CAST: variants seen among roughly 807,000 people sequenced by gnomAD.
CAST encodes the protein calpastatin.
In CAST, 76 loss-of-function variants were observed where a neutral mutation model predicts 119.6. The ratio of observed to expected loss-of-function variants is 0.64; its 90% CI spans 0.53 to 0.77. CAST has a LOEUF of 0.77. CAST is among the 30% of genes least tolerant of loss of function. The pLI, the probability that CAST is intolerant of heterozygous loss-of-function variation, is 0.00. For synonymous variants in CAST, 319 were observed against 331.6 expected, an observed-to-expected ratio of 0.96 and a Z score of 0.41; for missense variants, 953 against 946.5, an observed-to-expected ratio of 1.01 and a Z score of -0.09.
the CAST span, among the ~76,000 whole-genome samples, chr5:96,376,643 G>A: frequency 0.015 from 2,222 of 152,174 alleles, 53 homozygotes; most frequent in African/African-American, 0.05. Flanking sequence ...GTTTCACCAT[G>A]TGGGCCAGGC....
At chr5:96,756,692 C>T (rs1463132448) in intron 22 of CAST, among the ~76,000 whole-genome samples, 1 of 152,186 alleles carries the variant, frequency 6.6e-6, no homozygotes, top group Non-Finnish European at 1.5e-5. Flanking sequence ...GAAACAAAAA[C>T]CAACCTTAAC....
At chr5:96,019,702 T>C in the CAST span, among the ~76,000 whole-genome samples, 1 of 152,238 alleles carries the variant, frequency 6.6e-6, no homozygotes, top group African/African-American at 2.4e-5. Context: ...CATAAATTCA[T>C]GTTCTACTTT....
chr5:96,497,330 T>C, the CAST span, among the ~76,000 whole-genome samples: 1 of 152,274 alleles, frequency 6.6e-6, no homozygotes, highest in South Asian at 2.1e-4. Context: ...TATGGGTGCA[T>C]GTGTCTTTAT....
chr5:96,357,816 CT>C, the CAST span, among the ~76,000 whole-genome samples: 1 of 152,128 alleles, frequency 6.6e-6, no homozygotes, highest in African/African-American at 2.4e-5. Context: ...CTCAGCCAGG[CT>C]TTGGTATCAG....
chr5:96,230,059 G>A, the CAST span, among the ~76,000 whole-genome samples: 2 of 152,152 alleles, frequency 1.3e-5, no homozygotes, highest in African/African-American at 2.4e-5. Flanking sequence ...CTACTATTTG[G>A]AGAAGGATAG....
chr5:96,604,511 C>A lies in CAST; in HGVS notation c.61-71028C>A, dbSNP rs79448474. On this transcript the variant is annotated intron_variant, in intron 1 of 11. Coordinates refer to the CAST transcript ENST00000505143. ...TTACCAGAAATATGTAGAAAGAGGT[C>A]AGTGAGACCAGCATAATGGAACTGG... 2.4e-3 allele frequency among the ~76,000 whole-genome samples: 369 copies of A among 152,190 alleles called. 1 individual carries two copies. The highest frequency in any genetic ancestry group is 7.4e-3 in the African/African-American group (306 of 41,540).
At chr5:96,252,324 C>T in the CAST span, among the ~76,000 whole-genome samples, 4 of 152,226 alleles carry the variant, frequency 2.6e-5, no homozygotes, top group East Asian at 3.9e-4. Context: ...TTCATTCATT[C>T]GCTCATCTTT....
the CAST span, among the ~76,000 whole-genome samples, chr5:96,252,919 T>C: frequency 6.6e-6 from 1 of 152,154 alleles, no homozygotes; most frequent in Non-Finnish European, 1.5e-5. Flanking sequence ...ACAGTTAAGG[T>C]TTAATTCCTA....
intron 1 of CAST, among the ~76,000 whole-genome samples, chr5:96,633,724 G>A (rs1747850486): frequency 6.6e-6 from 1 of 152,178 alleles, no homozygotes; most frequent in Non-Finnish European, 1.5e-5. Flanking sequence ...TCTTCACCCA[G>A]GACAAAGTGT....
the CAST span, among the ~76,000 whole-genome samples, chr5:96,170,164 C>A: frequency 6.6e-6 from 1 of 152,188 alleles, no homozygotes; most frequent in Non-Finnish European, 1.5e-5. Context: ...AGCCGCTAAG[C>A]CGAGTAAATC....
chr5:96,103,875 T>G, the CAST span, among the ~76,000 whole-genome samples: 1 of 151,504 alleles, frequency 6.6e-6, no homozygotes, highest in Middle Eastern at 3.2e-3. Flanking sequence ...GTTTCCTGAC[T>G]TTTTAATGAT....
At chr5:96,284,885 A>G in the CAST span, among the ~76,000 whole-genome samples, 1 of 152,190 alleles carries the variant, frequency 6.6e-6, no homozygotes, top group Non-Finnish European at 1.5e-5. Context: ...GTGAAAATGA[A>G]CTGATTCTGA....
chr5:96,574,899 T>C (rs1746641402), intron 1 of CAST, among the ~76,000 whole-genome samples: 1 of 152,188 alleles, frequency 6.6e-6, no homozygotes, highest in Admixed American at 6.5e-5. Flanking sequence ...CATGTGTCTA[T>C]CTCTCTGCCC....
the CAST span, among the ~76,000 whole-genome samples, chr5:96,032,382 A>C: frequency 1.7e-3 from 266 of 152,298 alleles, no homozygotes; most frequent in African/African-American, 6.1e-3. Flanking sequence ...TGGAAGCCAA[A>C]AAGATCAGTT....
the CAST span, among the ~76,000 whole-genome samples, chr5:96,511,974 C>G: frequency 6.6e-6 from 1 of 152,208 alleles, no homozygotes; most frequent in African/African-American, 2.4e-5. Context: ...GCATTGAAAA[C>G]CATATGAGAC....
the CAST span, among the ~76,000 whole-genome samples, chr5:95,994,104 C>T: frequency 6.6e-6 from 1 of 152,232 alleles, no homozygotes; most frequent in Non-Finnish European, 1.5e-5. Context: ...TGGAAAACAA[C>T]TTGATACTGT....
intron 25 of CAST, among the ~76,000 whole-genome samples, chr5:96,764,745 C>G (rs1473284392): frequency 6.6e-6 from 1 of 152,222 alleles, no homozygotes; most frequent in Non-Finnish European, 1.5e-5. Context: ...CAAAGAAACA[C>G]TTACCCTCTA....
chr5:96,042,947 T>C, the CAST span, among the ~76,000 whole-genome samples: 1 of 152,128 alleles, frequency 6.6e-6, no homozygotes, highest in African/African-American at 2.4e-5. Flanking sequence ...AATATTAGTC[T>C]AGAAAAGACT....
intron 3 of CAST, among the ~76,000 whole-genome samples, chr5:96,701,080 A>G (rs1477681794): frequency 6.6e-6 from 1 of 152,000 alleles, no homozygotes; most frequent in African/African-American, 2.4e-5. Context: ...GGCAAGCACC[A>G]CCGCACACAG....
Sources: gnomAD v4.1 joint callset for allele counts (sites outside exome capture counted in the v4.1 genomes callset) on GRCh38, gnomAD v4.1.1 for gene constraint, MANE v1.5 for transcripts, NCBI Gene and HGNC (gene_info 2026-07-23, HGNC 2026-07-21) for gene names.